Variants in COBL observed in about 807,000 individuals in gnomAD.
COBL encodes the protein cordon-bleu WH2 repeat protein, also known as protein cordon-bleu.
A neutral mutation model predicts 98.8 loss-of-function variants in COBL; 51 were observed. That is an observed-to-expected ratio of 0.52 (90% CI 0.41 to 0.65). The LOEUF (loss-of-function observed/expected upper bound fraction) is 0.65, where lower values mean the gene tolerates loss of function less well. COBL is among the 30% of genes least tolerant of loss of function. The pLI is 0.00. For missense variants in COBL, 1,617 were observed against 1,617.5 expected (o/e 1.00, Z 0.01); for synonymous variants, 634 against 651.7 (o/e 0.97, Z 0.41).
In COBL at chr7:51,156,231, G is replaced by A. The variant is rs1167711450; in HGVS notation, c.784-19900C>T. ...ACACACAAAATTTACAAGCCAAGAA[G>A]GCAAATTAATTCCTTTCTTACCCTT... On this transcript the variant is annotated intron_variant, in intron 5 of 12. Transcript: ENST00000265136. 4 of 984,422 alleles carry A rather than the reference G, an allele frequency of 4.1e-6. No individual in the cohort carries two copies. In the African/African-American group the frequency reaches 7.0e-5, roughly 17 times the overall value. The allele number at this position is 984,422 out of a possible 1,614,324, so 61.0% of individuals were successfully genotyped here.
intron 1 of COBL, among the ~76,000 whole-genome samples, chr7:51,313,551 AC>A (rs779409663): frequency 2.6e-4 from 39 of 152,364 alleles, no homozygotes; most frequent in Non-Finnish European, 5.1e-4. Flanking sequence ...CTGCTTGAAT[AC>A]AGCCATTGAT....
At chr7:51,181,860 GA>G (rs758699306) in intron 5 of COBL, among the ~76,000 whole-genome samples, 1 of 151,948 alleles carries the variant, frequency 6.6e-6, no homozygotes, top group Non-Finnish European at 1.5e-5. Context: ...GTGAAAGACA[GA>G]AAGTCCCTTG....
At chr7:51,026,495 G>A in intron 11 of COBL, 51 bp downstream of exon 11, 2 of 1,599,898 alleles carry the variant, frequency 1.3e-6, no homozygotes, top group Non-Finnish European at 1.7e-6. Flanking sequence ...TCGGAAGAAG[G>A]GGTGGGTGGG....
At chr7:51,222,572 G>T (rs1793751373) in intron 1 of COBL, among the ~76,000 whole-genome samples, 1 of 152,082 alleles carries the variant, frequency 6.6e-6, no homozygotes, top group South Asian at 2.1e-4. Flanking sequence ...TTATTAGAAA[G>T]AACAGATTCC....
chr7:51,291,118 G>A (rs1313002944), intron 1 of COBL, among the ~76,000 whole-genome samples: 2 of 152,218 alleles, frequency 1.3e-5, no homozygotes, highest in Non-Finnish European at 2.9e-5. Context: ...GTTAGAGCCA[G>A]CAAGCCATCG....
intron 7 of COBL, among the ~76,000 whole-genome samples, chr7:51,083,617 A>T (rs1793895437): frequency 6.6e-6 from 1 of 152,168 alleles, no homozygotes; most frequent in Non-Finnish European, 1.5e-5. Context: ...AGGTTCACAG[A>T]TCTGTTTTTA....
chr7:51,093,716 C>G (rs1427951093), intron 6 of COBL, among the ~76,000 whole-genome samples: 1 of 151,984 alleles, frequency 6.6e-6, no homozygotes, highest in Non-Finnish European at 1.5e-5. Flanking sequence ...CACTGCAAGA[C>G]CCTGTCACTA....
rs549891809 is a variant in COBL, at chr7:51,016,999, G to C, written c.*552C>G. 5.4e-5 allele frequency: 22 copies of C among 404,088 alleles called. No homozygotes were observed. In the Middle Eastern group the frequency reaches 1.9e-3, roughly 35 times the overall value. The allele number at this position is 404,088 out of a possible 1,614,324, so 25.0% of individuals were successfully genotyped here. A position where few individuals can be genotyped will look rare whatever the true frequency, so the allele number is the denominator to read the frequency against. ...CAAATATTTGAGGAAGAAGAATCCA[G>C]CAGTTTTACTACCTAACAAAGCCAC... On this transcript the variant is annotated 3_prime_UTR_variant, in exon 13 of 13. Transcript: ENST00000265136.
intron 2 of COBL, among the ~76,000 whole-genome samples, chr7:51,212,229 A>AT (rs1437599872): frequency 6.6e-6 from 1 of 152,134 alleles, no homozygotes; most frequent in Admixed American, 6.5e-5. Flanking sequence ...ACTTCAAAAA[A>AT]TTTTTTTGAG....
chr7:51,246,709 T>C lies in COBL; in HGVS notation c.42-26765A>G, dbSNP rs891791411. On this transcript the variant is annotated intron_variant, in intron 1 of 12. Transcript: ENST00000265136. The stretch of plus-strand genomic sequence containing the variant: ...GAAGAAAGAGTTATTGTGGTTGCAA[T>C]TCCATGATGTCCTTGATTTGTAGAT... 3.3e-5 allele frequency among the ~76,000 whole-genome samples: 5 copies of C among 152,244 alleles called. 1 individual carries two copies. Among genetic ancestry groups the C allele is most frequent in the African/African-American group, 1.2e-4 (5 of 41,472 alleles).
chr7:51,269,411 G>A (rs1225488664), intron 1 of COBL, among the ~76,000 whole-genome samples: 1 of 152,214 alleles, frequency 6.6e-6, no homozygotes, highest in Non-Finnish European at 1.5e-5. Flanking sequence ...CACTTGTCAT[G>A]CCGTGCTGCT....
At chr7:51,155,092 C>T (rs1261493885) in intron 5 of COBL, among the ~76,000 whole-genome samples, 1 of 152,156 alleles carries the variant, frequency 6.6e-6, no homozygotes, top group African/African-American at 2.4e-5. Flanking sequence ...TTCCAATTAA[C>T]TCCAATGTTT....
intron 2 of COBL, among the ~76,000 whole-genome samples, chr7:51,203,310 A>C (rs1242295923): frequency 3.2e-4 from 44 of 137,944 alleles, no homozygotes; most frequent in African/African-American, 4.2e-4. Flanking sequence ...AAAATACAAA[A>C]AATTAGCCGG....
Position 51,219,722 on chromosome 7 carries a change from C to T in COBL, c.245+19G>A. On this transcript the variant is annotated intron_variant, in intron 2 of 12. Coordinates refer to ENST00000265136, the MANE Select transcript of COBL (RefSeq NM_015198.5). ...CGCAAAGTGAGTACAGCGACTCCTC[C>T]TGCAGCACCGGCTCTCACCTCCCAT... 6.2e-7 allele frequency: 1 copy of T among 1,610,962 alleles called. No individual in the cohort carries two copies. Among genetic ancestry groups the T allele is most frequent in the African/African-American group, 1.3e-5 (1 of 74,932 alleles).
intron 2 of COBL, among the ~76,000 whole-genome samples, chr7:51,204,749 C>T (rs545300645): frequency 6.6e-6 from 1 of 152,136 alleles, no homozygotes; most frequent in Admixed American, 6.5e-5. Flanking sequence ...CAGGGATTCA[C>T]CATGTTGGCC....
intron 1 of COBL, among the ~76,000 whole-genome samples, chr7:51,265,608 C>T (rs1798125727): frequency 6.6e-6 from 1 of 152,186 alleles, no homozygotes; most frequent in Non-Finnish European, 1.5e-5. Context: ...CCACAGAACC[C>T]CAACCAGGAG....
chr7:51,039,820 G>T (rs1788993949), intron 8 of COBL, among the ~76,000 whole-genome samples: 1 of 152,118 alleles, frequency 6.6e-6, no homozygotes, highest in African/African-American at 2.4e-5. Context: ...TGCCTGAATT[G>T]GTTGCCAACA....
intron 5 of COBL, among the ~76,000 whole-genome samples, chr7:51,142,710 C>G (rs1463765316): frequency 6.6e-6 from 1 of 152,100 alleles, no homozygotes; most frequent in Non-Finnish European, 1.5e-5. Flanking sequence ...CTTAACATAA[C>G]TGGAAGACAT....
intron 5 of COBL, chr7:51,172,441 G>A (rs1413023003): frequency 7.8e-7 from 1 of 1,281,228 alleles, no homozygotes; most frequent in Non-Finnish European, 1.0e-6. Flanking sequence ...CACCTGCTGG[G>A]GCATTAGTAC....
Sources: allele counts gnomAD v4.1 joint callset (sites outside exome capture counted in the v4.1 genomes callset), GRCh38; gene constraint gnomAD v4.1.1; transcripts MANE v1.5; gene names NCBI Gene and HGNC (gene_info 2026-07-23, HGNC 2026-07-21).